TANC1: variants seen among roughly 807,000 people sequenced by gnomAD.
The protein encoded by TANC1 is tetratricopeptide repeat, ankyrin repeat and coiled-coil containing 1, also known as protein TANC1.
TANC1 carries 77 observed loss-of-function variants against 149.7 expected under a neutral mutation model. The observed-to-expected ratio is 0.51, with a 90% CI of 0.43 to 0.62. The LOEUF is 0.62. TANC1 is among the 20% of genes least tolerant of loss of function. The pLI, the probability that TANC1 is intolerant of heterozygous loss-of-function variation, is 0.00. For missense variants in TANC1, 1,985 were observed against 2,321.8 expected (o/e 0.85, Z 2.98); for synonymous variants, 854 against 925.0 (o/e 0.92, Z 1.39).
intron 3 of TANC1, among the ~76,000 whole-genome samples, chr2:159,096,306 T>TC (rs1328797592): frequency 6.6e-6 from 1 of 151,694 alleles, no homozygotes; most frequent in East Asian, 1.9e-4. Context: ...TTTTTTTTTT[T>TC]TTTTTGGGAG....
chr2:159,217,476 C>T, intron 19 of TANC1, 21 bp from the exon 20 acceptor site: 4 of 1,613,956 alleles, frequency 2.5e-6, no homozygotes, highest in Non-Finnish European at 2.5e-6. Context: ...ACAGATTCCC[C>T]TCCATGTGAC....
At chr2:159,039,339 G>A (rs995416112) in intron 2 of TANC1, among the ~76,000 whole-genome samples, 2 of 152,008 alleles carry the variant, frequency 1.3e-5, no homozygotes, top group Admixed American at 6.6e-5. Flanking sequence ...GGTTTTTTAT[G>A]TCTCTATCTC....
intron 2 of TANC1, among the ~76,000 whole-genome samples, chr2:159,017,905 A>G (rs1241721782): frequency 6.6e-6 from 1 of 152,182 alleles, no homozygotes; most frequent in Non-Finnish European, 1.5e-5. Flanking sequence ...TGCCTTAGAA[A>G]GTGGCAGCAT....
At chr2:159,018,540 GT>G (rs2038500350) in intron 2 of TANC1, among the ~76,000 whole-genome samples, 1 of 152,188 alleles carries the variant, frequency 6.6e-6, no homozygotes, top group Non-Finnish European at 1.5e-5. Flanking sequence ...GTACGGTTCA[GT>G]GGCATTAAGT....
intron 19 of TANC1, among the ~76,000 whole-genome samples, chr2:159,217,251 A>G (rs1035056): frequency 0.19 from 29,065 of 151,970 alleles, 4,115 homozygotes; most frequent in East Asian, 0.48. Flanking sequence ...ATGGCATCCG[A>G]GCTCCAAGAA....
intron 2 of TANC1, among the ~76,000 whole-genome samples, chr2:159,009,593 A>G (rs1161998334): frequency 6.6e-6 from 1 of 152,192 alleles, no homozygotes; most frequent in Non-Finnish European, 1.5e-5. Context: ...GAGGCTGGGA[A>G]GTTTTGGAGG....
intron 7 of TANC1, among the ~76,000 whole-genome samples, chr2:159,154,345 A>T (rs1023963657): frequency 6.6e-6 from 1 of 152,236 alleles, no homozygotes; most frequent in South Asian, 2.1e-4. Context: ...TGTCCAGCAG[A>T]TGCAGGGACA....
chr2:159,039,744 A>AT (rs1240338940), intron 2 of TANC1, among the ~76,000 whole-genome samples: 1 of 152,046 alleles, frequency 6.6e-6, no homozygotes, highest in Non-Finnish European at 1.5e-5. Flanking sequence ...GTTCTTTTAC[A>AT]TTTGCTGAGG....
chr2:159,039,585 A>ATTTC (rs2040469777), intron 2 of TANC1, among the ~76,000 whole-genome samples: 1 of 152,078 alleles, frequency 6.6e-6, no homozygotes, highest in African/African-American at 2.4e-5. Flanking sequence ...AAACGTCTTT[A>ATTTC]TTTCTGCCTT....
chr2:159,216,665 A>C (rs1044739358), intron 19 of TANC1, among the ~76,000 whole-genome samples: 5 of 152,176 alleles, frequency 3.3e-5, no homozygotes, highest in African/African-American at 1.2e-4. Flanking sequence ...TTCTCCTTGC[A>C]TGCCATTTTT....
intron 19 of TANC1, among the ~76,000 whole-genome samples, chr2:159,215,193 C>T (rs12465443): frequency 0.31 from 46,559 of 152,110 alleles, 8,221 homozygotes; most frequent in Admixed American, 0.49. Flanking sequence ...TGCCTGCTGC[C>T]CACGCTTACT....
chr2:159,224,560 T>C (rs2150968593), intron 23 of TANC1, 196 bp downstream of exon 23: 1 of 637,978 alleles, frequency 1.6e-6, no homozygotes, highest in South Asian at 2.1e-5. Context: ...GGGGAGGGTG[T>C]GGAAAGCAGA....
intron 4 of TANC1, among the ~76,000 whole-genome samples, chr2:159,110,799 G>A (rs1248180962): frequency 6.6e-6 from 1 of 152,192 alleles, no homozygotes; most frequent in African/African-American, 2.4e-5. Flanking sequence ...CATAGTATCT[G>A]TCCCCTTGAT....
chr2:159,098,299 C>T (rs1046770753), intron 4 of TANC1, among the ~76,000 whole-genome samples: 10 of 152,140 alleles, frequency 6.6e-5, no homozygotes, highest in African/African-American at 2.2e-4. Flanking sequence ...AGTATAGTAA[C>T]GTGCTGTACA....
intron 8 of TANC1, among the ~76,000 whole-genome samples, chr2:159,165,754 TA>T (rs1475271221): frequency 6.6e-6 from 1 of 152,220 alleles, no homozygotes; most frequent in African/African-American, 2.4e-5. Context: ...ATGATCCAGG[TA>T]AACAAATTGC....
chr2:158,990,419 T>A (rs1349359979), intron 1 of TANC1, among the ~76,000 whole-genome samples: 2 of 152,196 alleles, frequency 1.3e-5, no homozygotes, highest in Admixed American at 1.3e-4. Context: ...ACTTAAAATC[T>A]AATGGGCTAG....
intron 4 of TANC1, among the ~76,000 whole-genome samples, chr2:159,098,825 C>G (rs1471946515): frequency 6.7e-6 from 1 of 149,998 alleles, no homozygotes; most frequent in Non-Finnish European, 1.5e-5. Flanking sequence ...TTTAAAAATT[C>G]TTGGATTTTT....
intron 2 of TANC1, among the ~76,000 whole-genome samples, chr2:159,021,707 A>T (rs974278954): frequency 2.0e-5 from 3 of 152,248 alleles, no homozygotes; most frequent in Admixed American, 2.0e-4. Context: ...TAACAATTTA[A>T]ATTTAACAGA....
rs1477888409 is a variant in TANC1, at chr2:159,035,650, G to T, written c.-15-30246G>T. Among the ~76,000 whole-genome samples, 3 of 152,200 alleles carry T rather than the reference G, an allele frequency of 2.0e-5. No homozygotes were observed. The East Asian group carries it at 5.8e-4, about 29-fold the overall frequency. ...TTCCTTTCTGTAATTACTAAAGAAG[G>T]CCCTTAAAACCCATGTAGGACCAAA... is the stretch of plus-strand genomic sequence containing the variant. On this transcript the variant is annotated intron_variant, in intron 2 of 26. Coordinates refer to ENST00000263635, the MANE Select transcript of TANC1 (RefSeq NM_033394.3).
Sources: allele counts gnomAD v4.1 joint callset (sites outside exome capture counted in the v4.1 genomes callset), GRCh38; gene constraint gnomAD v4.1.1; transcripts MANE v1.5; gene names NCBI Gene and HGNC (gene_info 2026-07-23, HGNC 2026-07-21).